The following AFF2 variants were observed in gnomAD, a reference collection of about 807,000 sequenced individuals.
The protein encoded by AFF2 is AF4/FMR2 family member 2.
In AFF2, 14 loss-of-function variants were observed where a neutral mutation model predicts 76.9. That is an observed-to-expected ratio of 0.18 (90% CI 0.12 to 0.28). The LOEUF (loss-of-function observed/expected upper bound fraction) is 0.28. Ranked by LOEUF, AFF2 falls within the 10% of genes least tolerant of loss-of-function variation. AFF2 has a pLI of 1.00. For missense variants in AFF2, 868 were observed against 1,001.1 expected, an observed-to-expected ratio of 0.87 and a Z score of 1.79; for synonymous variants, 398 against 366.7, an observed-to-expected ratio of 1.09 and a Z score of -0.98.
intron 7 of AFF2, among the ~76,000 whole-genome samples, chrX:148,883,752 G>T (rs1260318547): frequency 2.7e-5 from 3 of 111,259 alleles, no homozygotes; most frequent in Non-Finnish European, 5.6e-5. Flanking sequence ...TCACAAGCAA[G>T]CTCCTTAACC....
intron 2 of AFF2, among the ~76,000 whole-genome samples, chrX:148,657,481 G>T (rs1027017325): frequency 1.8e-5 from 2 of 112,173 alleles, no homozygotes; most frequent in Non-Finnish European, 3.8e-5. Context: ...TAGCCTCCTA[G>T]CACATTAGTC....
chrX:148,897,646 A>C (rs1557280492), intron 8 of AFF2, among the ~76,000 whole-genome samples: 3 of 109,799 alleles, frequency 2.7e-5, no homozygotes. Context: ...ACTATGTACT[A>C]ATAATACACT....
At chrX:148,893,269 A>C (rs944556853) in intron 8 of AFF2, among the ~76,000 whole-genome samples, 2 of 112,147 alleles carry the variant, frequency 1.8e-5, no homozygotes, top group Non-Finnish European at 3.8e-5. Flanking sequence ...CTATATTAGC[A>C]CAGAGACTAG....
chrX:148,725,400 A>G (rs1426999722), intron 3 of AFF2, among the ~76,000 whole-genome samples: 2 of 110,969 alleles, frequency 1.8e-5, no homozygotes, highest in Non-Finnish European at 3.8e-5. Flanking sequence ...ATAAAAGACC[A>G]TTTCCTCCTT....
intron 1 of AFF2, among the ~76,000 whole-genome samples, chrX:148,556,346 C>T (rs2053052457): frequency 8.9e-6 from 1 of 111,778 alleles, no homozygotes; most frequent in Non-Finnish European, 1.9e-5. Flanking sequence ...AATTACAGTA[C>T]ATTTAGATTA....
intron 7 of AFF2, among the ~76,000 whole-genome samples, chrX:148,851,746 C>CT (rs1159884086): frequency 1.1e-4 from 12 of 109,558 alleles, no homozygotes; most frequent in African/African-American, 3.3e-4. Flanking sequence ...TTCTTTTTTT[C>CT]TTTTTTTTTA....
At chrX:148,630,845 C>T (rs782752909) in intron 1 of AFF2, among the ~76,000 whole-genome samples, 88 of 112,110 alleles carry the variant, frequency 7.8e-4, no homozygotes, top group African/African-American at 2.9e-3. Context: ...TGCCATTCCA[C>T]GGTTTTCCTC....
intron 4 of AFF2, among the ~76,000 whole-genome samples, chrX:148,824,918 T>C (rs921374217): frequency 1.8e-5 from 2 of 110,455 alleles, no homozygotes; most frequent in Admixed American, 1.9e-4. Flanking sequence ...ACACCTGTAG[T>C]CTCAGCTACT....
intron 9 of AFF2, among the ~76,000 whole-genome samples, chrX:148,908,616 C>A (rs2071435728): frequency 9.0e-6 from 1 of 111,403 alleles, no homozygotes; most frequent in African/African-American, 3.3e-5. Flanking sequence ...ATTTGATTGT[C>A]TTTTTGAGCA....
Position 148,838,040 on chromosome X carries a change from G to A in AFF2, c.1173+307G>A, listed in dbSNP as rs1217467624. 2.4e-4 allele frequency among the ~76,000 whole-genome samples: 27 copies of A among 111,577 alleles called. No homozygotes were observed. The Admixed American group carries it at 2.6e-3, about 11-fold the overall frequency. ...CTTAAGAAATATCAAATAGATGATG[G>A]AACAGCAACGTTCAAGATTTTAAAG... is the stretch of plus-strand genomic sequence containing the variant. On this transcript the variant is annotated intron_variant, in intron 5 of 20. Transcript: ENST00000370460.
At chrX:148,518,339 T>C (rs994575254) in intron 1 of AFF2, among the ~76,000 whole-genome samples, 1 of 112,013 alleles carries the variant, frequency 8.9e-6, no homozygotes, top group Non-Finnish European at 1.9e-5. Flanking sequence ...GGTGAGAAGT[T>C]TATTGTATTT....
chrX:148,589,824 C>G (rs1474670545), intron 1 of AFF2, among the ~76,000 whole-genome samples: 1 of 109,575 alleles, frequency 9.1e-6, no homozygotes, highest in Non-Finnish European at 1.9e-5. Flanking sequence ...TAGTGCAACT[C>G]TAAGGCAGAT....
chrX:148,517,098 A>G (rs2052544143), intron 1 of AFF2, among the ~76,000 whole-genome samples: 1 of 111,904 alleles, frequency 8.9e-6, no homozygotes, highest in Non-Finnish European at 1.9e-5. Context: ...GGCACTGGGG[A>G]TATCATAGTG....
rs782805159 is a variant in AFF2, at chrX:148,956,244, G to C, written c.2199G>C (p.Leu733=). The change falls in exon 11 of 21, where the codon CTG becomes CTC. Residue 733 remains leucine, a synonymous_variant. Transcript: ENST00000370460. ...DQEETLQIKV[L]PPCIISGGNT... is the part of the protein sequence containing the mutation. ...AAGAGACCCTGCAAATCAAAGTCCTGCCTCCGTGCATTATTTCTGGAGGTA... is the reference window on the plus strand; with the variant it reads ...AAGAGACCCTGCAAATCAAAGTCCTCCCTCCGTGCATTATTTCTGGAGGTA... 1 of 1,211,635 alleles carries C rather than the reference G, an allele frequency of 8.3e-7. No homozygotes were observed. The highest frequency in any genetic ancestry group is 1.8e-5 in the South Asian group (1 of 56,926).
At chrX:148,843,245 C>T in intron 6 of AFF2, 137 bp from the exon 7 acceptor site, 1 of 535,407 alleles carries the variant, frequency 1.9e-6, no homozygotes, top group Admixed American at 3.8e-5. Context: ...CTGGTTCCCC[C>T]CCTTTTTTTT....
intron 1 of AFF2, among the ~76,000 whole-genome samples, chrX:148,529,000 G>A (rs1236942122): frequency 9.0e-6 from 1 of 111,690 alleles, no homozygotes; most frequent in African/African-American, 3.3e-5. Context: ...AACATCTTCT[G>A]TTTTCCTACT....
intron 3 of AFF2, among the ~76,000 whole-genome samples, chrX:148,683,658 T>C (rs1557260117): frequency 8.9e-6 from 1 of 111,917 alleles, no homozygotes; most frequent in African/African-American, 3.2e-5. Flanking sequence ...CTTCCTTCTC[T>C]ATTGATAAGT....
At chrX:148,682,546 C>T (rs2054561464) in intron 3 of AFF2, among the ~76,000 whole-genome samples, 2 of 109,057 alleles carry the variant, frequency 1.8e-5, no homozygotes, top group African/African-American at 3.4e-5. Context: ...GCACCAAGTA[C>T]GTATATCTTA....
chrX:148,723,583 C>T (rs1295289860), intron 3 of AFF2, among the ~76,000 whole-genome samples: 5 of 111,969 alleles, frequency 4.5e-5, no homozygotes, highest in Admixed American at 3.8e-4. Flanking sequence ...CAGGAACGTT[C>T]GGTACCAACT....
Sources: allele counts gnomAD v4.1 joint callset (sites outside exome capture counted in the v4.1 genomes callset), GRCh38; gene constraint gnomAD v4.1.1; transcripts MANE v1.5; gene names NCBI Gene and HGNC (gene_info 2026-07-23, HGNC 2026-07-21).